Variants in NF1 observed in about 807,000 individuals in gnomAD.
NF1 encodes the protein neurofibromin 1.
Under a neutral mutation model 325.7 loss-of-function variants are expected in NF1, and 122 were observed. The ratio of observed to expected loss-of-function variants is 0.37; its 90% CI spans 0.32 to 0.44. The LOEUF (loss-of-function observed/expected upper bound fraction) is 0.44. NF1 is among the 20% of genes least tolerant of loss of function. The pLI is 1.00. For synonymous variants in NF1, 1,091 were observed against 1,186.0 expected, an observed-to-expected ratio of 0.92 and a Z score of 1.65; for missense variants, 2,140 against 3,415.4, an observed-to-expected ratio of 0.63 and a Z score of 9.31.
At chr17:31,164,494 T>C (rs1046909570) in intron 4 of NF1, among the ~76,000 whole-genome samples, 1 of 152,218 alleles carries the variant, frequency 6.6e-6, no homozygotes, top group African/African-American at 2.4e-5. Context: ...CACAAATTAT[T>C]TAGTGATTCG....
At chr17:31,197,006 A>T (rs2066444522) in intron 8 of NF1, among the ~76,000 whole-genome samples, 1 of 151,460 alleles carries the variant, frequency 6.6e-6, no homozygotes, top group Non-Finnish European at 1.5e-5. Flanking sequence ...TTTGACTATT[A>T]TGCGGCTCTT....
chr17:31,233,233 G>C lies in NF1; in HGVS notation c.3708+20G>C. 6.2e-7 allele frequency: 1 copy of C among 1,608,230 alleles called. No individual in the cohort carries two copies. Among genetic ancestry groups the C allele is most frequent in the Non-Finnish European group, 8.5e-7 (1 of 1,174,690 alleles). On this transcript the variant is annotated intron_variant, in intron 27 of 57. Transcript: ENST00000358273. ...CAGTGGGTAAGTGATTAGAGTAAGCGGGGAAGAAAAGTGCCTGGCACATAG... is the reference window on the plus strand; with the variant it reads ...CAGTGGGTAAGTGATTAGAGTAAGCCGGGAAGAAAAGTGCCTGGCACATAG...
At chr17:31,356,777 T>C (rs147766060) in intron 52 of NF1, 183 bp from the exon 53 acceptor site, 25 of 1,114,956 alleles carry the variant, frequency 2.2e-5, no homozygotes, top group African/African-American at 1.9e-4. Flanking sequence ...ATATATTATA[T>C]ACAGCATTGT....
rs114845316 is a variant in NF1, at chr17:31,318,129, A to G, written c.4836-7691A>G. ...ATATTCAGTGTCAAAACAAAAGTAC[A>G]CAGTTTAAATAATTAAGCAGGCATA... On this transcript the variant is annotated intron_variant, in intron 36 of 57. Coordinates refer to ENST00000358273, the MANE Select transcript of NF1 (RefSeq NM_001042492.3). The G allele has an allele frequency of 1.3e-3, 938 of 714,144 alleles. 8 individuals carry two copies. In the African/African-American group the frequency reaches 0.016, roughly 12 times the overall value. 44.2% of individuals were successfully genotyped at this position (714,144 alleles called of 1,614,324 possible).
chr17:31,367,963 A>C (rs1407519576), intron 57 of NF1, among the ~76,000 whole-genome samples: 1 of 152,118 alleles, frequency 6.6e-6, no homozygotes, highest in Admixed American at 6.5e-5. Context: ...AAAAATTAAA[A>C]AAAAAAAATA....
At chr17:31,214,358 T>C in intron 12 of NF1, 93 bp from the exon 13 acceptor site, 1 of 1,036,526 alleles carries the variant, frequency 9.6e-7, no homozygotes, top group Non-Finnish European at 1.4e-6. Flanking sequence ...ATAGCTTTTT[T>C]CAAAGGTTTT....
chr17:31,211,303 A>G (rs576400397), intron 12 of NF1, among the ~76,000 whole-genome samples: 1 of 152,324 alleles, frequency 6.6e-6, no homozygotes, highest in South Asian at 2.1e-4. Flanking sequence ...CTTCTTTAGC[A>G]TGTTTTTCCT....
At chr17:31,118,511 A>C (rs925638215) in intron 1 of NF1, among the ~76,000 whole-genome samples, 2 of 151,758 alleles carry the variant, frequency 1.3e-5, no homozygotes, top group East Asian at 1.9e-4. Flanking sequence ...TCATTGCTCA[A>C]CTCGTACTTA....
chr17:31,339,387 A>AT (rs2069762167), intron 46 of NF1, among the ~76,000 whole-genome samples: 1 of 152,194 alleles, frequency 6.6e-6, no homozygotes, highest in East Asian at 1.9e-4. Context: ...CCATTTTTAT[A>AT]TTTAAGATAT....
Position 31,279,605 on chromosome 17 carries a change from A to G in NF1, c.4835+14266A>G, listed in dbSNP as rs538598694. Among the ~76,000 whole-genome samples the G allele has an allele frequency of 1.1e-4, 17 of 151,662 alleles. No individual in the cohort carries two copies. The East Asian group carries it at 3.1e-3, about 28-fold the overall frequency. ...CAGCCTCTTTAAAAAAAAAAAAAAAAGGAAGAAACTATTTGGGAGTTTTGT... is the reference window on the plus strand; with the variant it reads ...CAGCCTCTTTAAAAAAAAAAAAAAAGGGAAGAAACTATTTGGGAGTTTTGT... On this transcript the variant is annotated intron_variant, in intron 36 of 57. Transcript: ENST00000358273.
intron 29 of NF1, among the ~76,000 whole-genome samples, chr17:31,243,925 C>G (rs1343832513): frequency 6.6e-6 from 1 of 151,948 alleles, no homozygotes; most frequent in Non-Finnish European, 1.5e-5. Context: ...TGCTGGGTCA[C>G]CCCTGAAGCC....
chr17:31,132,583 T>C (rs1313202892), intron 1 of NF1, among the ~76,000 whole-genome samples: 1 of 152,148 alleles, frequency 6.6e-6, no homozygotes, highest in East Asian at 1.9e-4. Flanking sequence ...AAACTTTGTT[T>C]TCTGTTTTGT....
rs2151426038 is a variant in NF1 at position 31,226,626 on chromosome 17, C to G, written c.2193C>G (p.Leu731=). 6.2e-7 allele frequency: 1 copy of G among 1,613,886 alleles called. No individual in the cohort carries two copies. Among genetic ancestry groups the G allele is most frequent in the Non-Finnish European group, 8.5e-7 (1 of 1,179,804 alleles). Residue 731 remains leucine, a synonymous_variant, in exon 18 of 58, where the codon CTC becomes CTG. Transcript: ENST00000358273. ...CGVDEVSVHN[L]LPNYNTFMEF... ...TGGATGAAGTGTCAGTGCATAACCTCTTGCCCAACTATAACACATTCATGG... is the reference window on the plus strand; with the variant it reads ...TGGATGAAGTGTCAGTGCATAACCTGTTGCCCAACTATAACACATTCATGG...
intron 8 of NF1, among the ~76,000 whole-genome samples, chr17:31,197,344 CTTT>C (rs61619278): frequency 1.5e-4 from 15 of 99,256 alleles, no homozygotes; most frequent in Non-Finnish European, 1.8e-4. Flanking sequence ...CCGCGCCTGG[CTTT>C]TTTTTTTTTT....
At chr17:31,278,410 T>G (rs867641480) in intron 36 of NF1, among the ~76,000 whole-genome samples, 2 of 139,564 alleles carry the variant, frequency 1.4e-5, no homozygotes, top group African/African-American at 3.0e-5. Context: ...TTTTTGGGTT[T>G]TTTTTTTTTT....
intron 12 of NF1, among the ~76,000 whole-genome samples, chr17:31,208,026 T>C (rs761633169): frequency 7.2e-5 from 11 of 152,140 alleles, no homozygotes; most frequent in Admixed American, 1.3e-4. Flanking sequence ...GAGGTAAAAT[T>C]TGATTGGTAG....
intron 27 of NF1, among the ~76,000 whole-genome samples, chr17:31,233,919 C>A (rs2067156771): frequency 6.6e-6 from 1 of 152,164 alleles, no homozygotes; most frequent in African/African-American, 2.4e-5. Context: ...TTACCCTGTC[C>A]TACAAGGCTC....
chr17:31,238,198 C>G (rs1197811364), intron 29 of NF1, among the ~76,000 whole-genome samples: 1 of 152,036 alleles, frequency 6.6e-6, no homozygotes, highest in Non-Finnish European at 1.5e-5. Context: ...ACCCCTGCAC[C>G]TTTGTAAGTT....
At chr17:31,304,057 G>GTACTTTATA in intron 36 of NF1, 1 of 471,098 alleles carries the variant, frequency 2.1e-6, no homozygotes, top group South Asian at 3.5e-5. Context: ...TTTAAAGATA[G>GTACTTTATA]GTACTATAAT....
Sources: allele counts gnomAD v4.1 joint callset (sites outside exome capture counted in the v4.1 genomes callset), GRCh38; gene constraint gnomAD v4.1.1; transcripts MANE v1.5; gene names NCBI Gene and HGNC (gene_info 2026-07-23, HGNC 2026-07-21).